The following VPS54 variants were observed in gnomAD, a reference collection of about 807,000 sequenced individuals.
VPS54 encodes VPS54 subunit of GARP complex.
Under a neutral mutation model 121.5 loss-of-function variants are expected in VPS54, and 45 were observed. The ratio of observed to expected loss-of-function variants is 0.37; its 90% confidence interval spans 0.29 to 0.47. VPS54 has a LOEUF of 0.47. VPS54 is among the 20% of genes least tolerant of loss of function. VPS54 has a pLI of 0.99. For missense variants in VPS54, 1,090 were observed against 1,131.4 expected (o/e 0.96, Z 0.52); for synonymous variants, 371 against 385.8 (o/e 0.96, Z 0.45).
At chr2:63,953,085 C>T (rs1368343179) in intron 7 of VPS54, among the ~76,000 whole-genome samples, 1 of 149,818 alleles carries the variant, frequency 6.7e-6, no homozygotes, top group African/African-American at 2.5e-5. Flanking sequence ...CTCTAGAAGC[C>T]TTTTCTAATC....
chr2:63,916,160 T>C (rs1359844158), intron 16 of VPS54, among the ~76,000 whole-genome samples: 1 of 152,186 alleles, frequency 6.6e-6, no homozygotes, highest in Non-Finnish European at 1.5e-5. Context: ...AAGGAAAGAA[T>C]AATCCCCAAT....
chr2:63,921,258 G>A lies in VPS54; in HGVS notation c.1817C>T (p.Ala606Val). Residue 606 changes from alanine to valine, a missense_variant, in exon 13 of 23, where the codon GCC (alanine) becomes GTC (valine). By Grantham distance (64) the Ala-to-Val change is moderately conservative (BLOSUM62 0). Around this residue, in one of 2 missense-constraint regions of VPS54, gnomAD observed 801 missense variants for 757.0 expected, o/e 1.06. Transcript: ENST00000272322. ...AGCTCGATCATGGCATATATCTGAG[G>A]CACTATATAATAATTCCTGGATATT... ...ANNIQELLYS[A>V]SDICHDRAVK... 6.2e-7 allele frequency: 1 copy of A among 1,613,026 alleles called. No homozygotes were observed. Among genetic ancestry groups the A allele is most frequent in the Non-Finnish European group, 8.5e-7 (1 of 1,179,430 alleles).
At chr2:63,917,039 T>A in intron 15 of VPS54, 76 bp from the exon 16 acceptor site, 3 of 1,517,778 alleles carry the variant, frequency 2.0e-6, no homozygotes, top group Non-Finnish European at 9.1e-7. Flanking sequence ...AAGAAGATAA[T>A]TCCTGTTTAA....
intron 14 of VPS54, 44 bp downstream of exon 14, chr2:63,920,401 GA>G: frequency 7.2e-7 from 1 of 1,393,202 alleles, no homozygotes; most frequent in Non-Finnish European, 9.4e-7. Context: ...GTTTCACAAA[GA>G]AAAATGAAAA....
At chr2:63,988,609 T>C (rs1308676588) in intron 1 of VPS54, among the ~76,000 whole-genome samples, 1 of 152,190 alleles carries the variant, frequency 6.6e-6, no homozygotes, top group Non-Finnish European at 1.5e-5. Flanking sequence ...ATCGTGAAGA[T>C]TTCACGGACA....
At chr2:63,971,657 C>T (rs761728404) in intron 4 of VPS54, among the ~76,000 whole-genome samples, 5 of 152,186 alleles carry the variant, frequency 3.3e-5, no homozygotes, top group African/African-American at 1.2e-4. Context: ...AGCTAAGTTA[C>T]GCATGTTATA....
chr2:63,931,896 T>C (rs945178691), intron 12 of VPS54, among the ~76,000 whole-genome samples: 2 of 152,044 alleles, frequency 1.3e-5, no homozygotes, highest in Non-Finnish European at 2.9e-5. Flanking sequence ...CCAAAAGACA[T>C]ATGAAAAAAT....
intron 1 of VPS54, among the ~76,000 whole-genome samples, chr2:63,990,440 A>G (rs1575997656): frequency 6.6e-6 from 1 of 151,796 alleles, no homozygotes; most frequent in South Asian, 2.1e-4. Flanking sequence ...TTCAGGCCCT[A>G]CCCCATCCAC....
intron 1 of VPS54, among the ~76,000 whole-genome samples, chr2:64,002,628 A>G (rs1299991954): frequency 6.6e-6 from 1 of 152,246 alleles, no homozygotes; most frequent in African/African-American, 2.4e-5. Flanking sequence ...TTAGAAACCT[A>G]GAAATATGCA....
intron 12 of VPS54, among the ~76,000 whole-genome samples, chr2:63,931,894 CAT>C (rs1304949982): frequency 6.6e-6 from 1 of 152,120 alleles, no homozygotes; most frequent in Admixed American, 6.5e-5. Flanking sequence ...GGCCAAAAGA[CAT>C]ATGAAAAAAT....
At chr2:63,964,685 T>C (rs2104567031) in intron 6 of VPS54, among the ~76,000 whole-genome samples, 1 of 152,330 alleles carries the variant, frequency 6.6e-6, no homozygotes. Context: ...GGAATACTCA[T>C]GATTCCTTCC....
rs746337890 is a variant in VPS54 at position 63,920,601 on chromosome 2, G to A, written c.1896C>T (p.Ser632=). 3 of 1,513,000 alleles carry A rather than the reference G, an allele frequency of 2.0e-6. No individual in the cohort carries two copies. In the Admixed American group the frequency reaches 6.4e-5, roughly 32 times the overall value. 93.7% of individuals were successfully genotyped at this position (1,513,000 alleles called of 1,614,324 possible). A position where few individuals can be genotyped will look rare whatever the true frequency, so the allele number is the denominator to read the frequency against. Reference sequence around the variant, plus strand: ...ATCTAGAAAGTGTTATGAATTCCATGGAATTTAGCTTCTCAAGAAAACCAT... The same window carrying A: ...ATCTAGAAAGTGTTATGAATTCCATAGAATTTAGCTTCTCAAGAAAACCAT... ...AKDGFLEKLN[S]MEFITLSRLM... is the part of the protein sequence containing the mutation. Residue 632 remains serine, a synonymous_variant, in exon 14 of 23, where the codon TCC becomes TCT. Coordinates refer to ENST00000272322, the MANE Select transcript of VPS54 (RefSeq NM_016516.3).
chr2:63,906,086 G>A (rs1220793908), intron 20 of VPS54, among the ~76,000 whole-genome samples: 1 of 152,076 alleles, frequency 6.6e-6, no homozygotes, highest in East Asian at 1.9e-4. Flanking sequence ...ATACTTAATG[G>A]TTAAAGACTG....
At chr2:63,925,740 G>C (rs1411051889) in intron 12 of VPS54, among the ~76,000 whole-genome samples, 1 of 152,138 alleles carries the variant, frequency 6.6e-6, no homozygotes, top group Non-Finnish European at 1.5e-5. Flanking sequence ...AGAGACAAAA[G>C]AGCAAATATA....
In VPS54 at chr2:63,937,391, G is replaced by A. The variant is rs371594386; in HGVS notation, c.1399-3378C>T. Among the ~76,000 whole-genome samples the A allele has an allele frequency of 6.6e-5, 10 of 152,008 alleles. 1 individual carries two copies. The East Asian group carries it at 9.6e-4, about 15-fold the overall frequency. On this transcript the variant is annotated intron_variant, in intron 11 of 22. Transcript: ENST00000272322. ...AAATGCCCAATAAGCACATAAAAAA[G>A]ATGCTCAACATCACTCATCATTAGA...
chr2:63,975,957 C>A (rs917347518), intron 3 of VPS54, among the ~76,000 whole-genome samples: 7 of 152,210 alleles, frequency 4.6e-5, no homozygotes, highest in Non-Finnish European at 8.8e-5. Context: ...GTTGGCCAGG[C>A]TGGTCTCAAG....
chr2:63,903,307 A>G (rs1032996166), intron 20 of VPS54, among the ~76,000 whole-genome samples: 7 of 152,224 alleles, frequency 4.6e-5, no homozygotes, highest in Admixed American at 6.5e-5. Context: ...TCTAGCAAAA[A>G]TATCTTTGAA....
intron 1 of VPS54, among the ~76,000 whole-genome samples, chr2:64,014,666 C>T (rs893181702): frequency 6.6e-6 from 1 of 152,194 alleles, no homozygotes; most frequent in African/African-American, 2.4e-5. Context: ...ATATTCCTTC[C>T]TAATTTGATT....
At chr2:63,935,474 G>A (rs916432348) in intron 11 of VPS54, among the ~76,000 whole-genome samples, 4 of 152,024 alleles carry the variant, frequency 2.6e-5, no homozygotes, top group Non-Finnish European at 5.9e-5. Context: ...GATATACTTA[G>A]TTCCCCCATC....
Sources: gnomAD v4.1 joint callset for allele counts (sites outside exome capture counted in the v4.1 genomes callset) on GRCh38, gnomAD v4.1.1 for gene constraint, gnomAD v4.1.1 regional missense constraint, MANE v1.5 for transcripts, NCBI Gene and HGNC (gene_info 2026-07-23, HGNC 2026-07-21) for gene names.